The following LAMA2 variants were observed in gnomAD, a reference collection of about 807,000 sequenced individuals.
LAMA2 encodes the protein laminin subunit alpha-2.
Under a neutral mutation model 364.8 loss-of-function variants are expected in LAMA2, and 269 were observed. That is an observed-to-expected ratio of 0.74 (90% CI 0.67 to 0.82). LAMA2 has a LOEUF of 0.82. Ranked by LOEUF, LAMA2 falls within the 40% of genes least tolerant of loss-of-function variation. The pLI is 0.00. For synonymous variants in LAMA2, 1,379 were observed against 1,370.6 expected (o/e 1.01, Z -0.14); for missense variants, 3,807 against 3,873.2 (o/e 0.98, Z 0.45).
At chr6:129,228,450 T>A (rs1327292499) in intron 12 of LAMA2, among the ~76,000 whole-genome samples, 1 of 152,152 alleles carries the variant, frequency 6.6e-6, no homozygotes, top group African/African-American at 2.4e-5. Flanking sequence ...CTGGAGCTGT[T>A]CCTATTCCAA....
chr6:129,043,360 A>C (rs1166184844), intron 1 of LAMA2, among the ~76,000 whole-genome samples: 3 of 152,198 alleles, frequency 2.0e-5, no homozygotes, highest in Non-Finnish European at 4.4e-5. Flanking sequence ...ACAGGGAAAA[A>C]GTCTATTGAC....
In LAMA2 at chr6:129,165,669, C is replaced by T. The variant is rs1374568851; in HGVS notation, c.1300C>T (p.Arg434Ter). ...EVCVKDEKHA[R>*]RGLAPGSCHC... is the part of the protein sequence containing the mutation. ...CTGTGTCAAGGATGAGAAACATGCT[C>T]GACGAGGTGAGAGCTGCAGCAGAAT... is the stretch of plus-strand genomic sequence containing the variant. The change falls in exon 9 of 65, where the codon CGA becomes TGA. Residue 434 changes from arginine to a stop codon, truncating the protein, a stop_gained. Coordinates refer to ENST00000421865, the MANE Select transcript of LAMA2 (RefSeq NM_000426.4). LOFTEE classifies it high-confidence loss of function. 1.0e-5 allele frequency: 16 copies of T among 1,598,826 alleles called. No homozygotes were observed. The Admixed American group carries it at 1.3e-4, about 13-fold the overall frequency.
chr6:129,280,354 T>C (rs1038814483), intron 18 of LAMA2, among the ~76,000 whole-genome samples: 19 of 152,334 alleles, frequency 1.2e-4, no homozygotes, highest in African/African-American at 4.3e-4. Context: ...AAATCTTCAT[T>C]CACTCAGAGA....
At chr6:129,288,327 T>A (rs886713301) in intron 19 of LAMA2, among the ~76,000 whole-genome samples, 2 of 152,200 alleles carry the variant, frequency 1.3e-5, no homozygotes, top group African/African-American at 2.4e-5. Flanking sequence ...GAAGATTTTT[T>A]TAATGAACTT....
At chr6:129,217,395 C>T (rs1437907874) in intron 12 of LAMA2, among the ~76,000 whole-genome samples, 1 of 152,034 alleles carries the variant, frequency 6.6e-6, no homozygotes, top group African/African-American at 2.4e-5. Flanking sequence ...GGTTAATCTT[C>T]GAATTTCTTT....
chr6:129,198,575 G>C lies in LAMA2; in HGVS notation c.1782+5722G>C, dbSNP rs536556698. ...AATAGAGGGGACACAAATCCAACAA[G>C]TTTTTTAAATGGTTTCAAAGCTCTG... On this transcript the variant is annotated intron_variant, in intron 12 of 64. Coordinates refer to ENST00000421865, the MANE Select transcript of LAMA2 (RefSeq NM_000426.4). Among the ~76,000 whole-genome samples, 5 of 152,210 alleles carry C rather than the reference G, an allele frequency of 3.3e-5. No individual in the cohort carries two copies. The South Asian group carries it at 1.0e-3, about 32-fold the overall frequency.
intron 17 of LAMA2, among the ~76,000 whole-genome samples, chr6:129,273,709 G>T (rs1468277585): frequency 1.3e-5 from 2 of 152,034 alleles, no homozygotes; most frequent in Middle Eastern, 3.2e-3. Context: ...GTGCCAAAGG[G>T]ATTGGGTTTC....
At chr6:129,057,843 G>A (rs1354415312) in intron 2 of LAMA2, among the ~76,000 whole-genome samples, 1 of 152,150 alleles carries the variant, frequency 6.6e-6, no homozygotes, top group Non-Finnish European at 1.5e-5. Flanking sequence ...AATGTGATTT[G>A]TTCCTTATGT....
intron 15 of LAMA2, among the ~76,000 whole-genome samples, chr6:129,266,886 T>G (rs548788935): frequency 2.0e-5 from 3 of 152,230 alleles, no homozygotes; most frequent in South Asian, 4.1e-4. Context: ...TAATGCTTCC[T>G]CTAATCTCAT....
At chr6:129,187,735 G>T (rs149895695) in intron 10 of LAMA2, among the ~76,000 whole-genome samples, 25 of 151,854 alleles carry the variant, frequency 1.6e-4, no homozygotes, top group African/African-American at 6.0e-4. Flanking sequence ...ATACATACTG[G>T]CTGATCATTC....
chr6:129,118,164 A>C (rs1308776240), intron 4 of LAMA2, among the ~76,000 whole-genome samples: 1 of 152,232 alleles, frequency 6.6e-6, no homozygotes, highest in East Asian at 1.9e-4. Context: ...TGTACACTGA[A>C]ATAGCTGAAC....
intron 35 of LAMA2, among the ~76,000 whole-genome samples, chr6:129,390,085 G>GA (rs1193355346): frequency 6.6e-6 from 1 of 151,992 alleles, no homozygotes; most frequent in African/African-American, 2.4e-5. Context: ...CATATATAAC[G>GA]AAAAAAGAAT....
intron 22 of LAMA2, among the ~76,000 whole-genome samples, chr6:129,308,889 G>T (rs1387576901): frequency 1.3e-5 from 2 of 152,162 alleles, no homozygotes; most frequent in Non-Finnish European, 2.9e-5. Flanking sequence ...TAAACAACCA[G>T]ATCTTGCCGG....
intron 31 of LAMA2, among the ~76,000 whole-genome samples, chr6:129,352,450 A>G (rs1260409640): frequency 3.3e-5 from 5 of 152,252 alleles, no homozygotes; most frequent in Non-Finnish European, 7.3e-5. Flanking sequence ...TGAAAAATCC[A>G]TCTTGAGGAA....
chr6:129,425,836 A>T (rs891107664), intron 40 of LAMA2, among the ~76,000 whole-genome samples: 3 of 152,046 alleles, frequency 2.0e-5, no homozygotes, highest in African/African-American at 7.2e-5. Context: ...TCTGCCGCTG[A>T]TGCTATTCCT....
At chr6:129,023,476 T>G (rs1429410752) in intron 1 of LAMA2, among the ~76,000 whole-genome samples, 1 of 152,194 alleles carries the variant, frequency 6.6e-6, no homozygotes, top group East Asian at 1.9e-4. Flanking sequence ...TTCAAGTGTA[T>G]TTTGAAAAGT....
At chr6:129,009,516 TG>T (rs916673513) in intron 1 of LAMA2, among the ~76,000 whole-genome samples, 11 of 152,184 alleles carry the variant, frequency 7.2e-5, no homozygotes, top group Admixed American at 7.2e-4. Flanking sequence ...TGAAAAAGTG[TG>T]GAGTCATTAA....
chr6:129,317,454 G>C (rs927073122), intron 27 of LAMA2, among the ~76,000 whole-genome samples: 1 of 152,144 alleles, frequency 6.6e-6, no homozygotes, highest in Non-Finnish European at 1.5e-5. Context: ...ATTTCATGCA[G>C]AAGATCCATA....
intron 37 of LAMA2, among the ~76,000 whole-genome samples, chr6:129,396,631 C>A (rs979979830): frequency 2.0e-5 from 3 of 151,982 alleles, no homozygotes; most frequent in African/African-American, 7.3e-5. Flanking sequence ...CTGGGGACGT[C>A]ATGGGAAGAA....
Sources: gnomAD v4.1 joint callset for allele counts (sites outside exome capture counted in the v4.1 genomes callset) on GRCh38, gnomAD v4.1.1 for gene constraint, MANE v1.5 for transcripts, NCBI Gene and HGNC (gene_info 2026-07-23, HGNC 2026-07-21) for gene names.